Variants in ARHGEF16 observed in about 807,000 individuals in gnomAD.
ARHGEF16 encodes the protein Rho guanine nucleotide exchange factor 16.
ARHGEF16 carries 59 observed loss-of-function variants against 74.1 expected under a neutral mutation model. That is an observed-to-expected ratio of 0.80 (90% CI 0.65 to 0.99). The LOEUF (loss-of-function observed/expected upper bound fraction) is 0.99. Among genes scored for constraint, ARHGEF16 ranks in the 50% least tolerant of loss-of-function variants. The probability of loss-of-function intolerance (pLI) is 0.00; values close to 1 mark genes in which losing one functional copy is unlikely to be tolerated. For missense variants in ARHGEF16, 948 were observed against 986.6 expected, an observed-to-expected ratio of 0.96 and a Z score of 0.52; for synonymous variants, 415 against 412.6, an observed-to-expected ratio of 1.01 and a Z score of -0.07.
At chr1:3,462,710 A>G (rs1434082066) in intron 1 of ARHGEF16, among the ~76,000 whole-genome samples, 1 of 152,204 alleles carries the variant, frequency 6.6e-6, no homozygotes, top group Non-Finnish European at 1.5e-5. Flanking sequence ...AGGCTCAGGA[A>G]TGTGTCCTCA....
chr1:3,471,561 A>G, intron 6 of ARHGEF16: 1 of 955,850 alleles, frequency 1.0e-6, no homozygotes, highest in Non-Finnish European at 1.3e-6. Context: ...GGGGTCTGGG[A>G]TAGCGGCTGC....
intron 6 of ARHGEF16, among the ~76,000 whole-genome samples, chr1:3,472,499 C>G (rs912469010): frequency 1.3e-5 from 2 of 152,226 alleles, no homozygotes; most frequent in Non-Finnish European, 2.9e-5. Context: ...TGAAAGTAAA[C>G]AGTTCATGAA....
intron 6 of ARHGEF16, among the ~76,000 whole-genome samples, chr1:3,470,172 T>C (rs952296125): frequency 2.0e-5 from 3 of 149,262 alleles, no homozygotes; most frequent in East Asian, 2.0e-4. Context: ...TGGTCAGTGG[T>C]GTGTGTGAGT....
At chr1:3,455,480 G>A (rs1457447257) in intron 1 of ARHGEF16, among the ~76,000 whole-genome samples, 2 of 152,096 alleles carry the variant, frequency 1.3e-5, no homozygotes, top group Non-Finnish European at 2.9e-5. Context: ...CGCTTGTCTT[G>A]GCCGCTCAGC....
chr1:3,467,526 T>A (rs1639582299), intron 4 of ARHGEF16, among the ~76,000 whole-genome samples, 189 bp downstream of exon 4: 1 of 152,122 alleles, frequency 6.6e-6, no homozygotes. Flanking sequence ...TCCTGTGCCC[T>A]CAGAGTCACC....
rs571133376 is a variant in ARHGEF16 at position 3,463,193 on chromosome 1, A to G, written c.109A>G (p.Met37Val). The change falls in exon 2 of 15, where the codon ATG (methionine) becomes GTG (valine). Residue 37 changes from methionine to valine, a missense_variant. Physicochemically the swap from Met to Val is conservative, Grantham distance 21 (BLOSUM62 1). Transcript: ENST00000378378. The part of the protein sequence containing the change: ...AGGNPASGLP[M>V]VRGSPRVRDD... Reference sequence around the variant, plus strand: ...GGGGAACCCAGCCTCCGGGCTCCCAATGGTCCGTGGCTCCCCGCGTGTTAG... The same window carrying G: ...GGGGAACCCAGCCTCCGGGCTCCCAGTGGTCCGTGGCTCCCCGCGTGTTAG... 340 of 1,535,526 alleles carry G rather than the reference A, an allele frequency of 2.2e-4. 1 individual carries two copies. In the East Asian group the frequency reaches 5.4e-3, roughly 24 times the overall value.
At chr1:3,464,552 C>T (rs968922447) in intron 2 of ARHGEF16, among the ~76,000 whole-genome samples, 4 of 152,178 alleles carry the variant, frequency 2.6e-5, no homozygotes, top group Admixed American at 6.5e-5. Context: ...GCCCGAGCAC[C>T]CTCAAGAATG....
At chr1:3,456,351 G>T (rs990479625) in intron 1 of ARHGEF16, among the ~76,000 whole-genome samples, 7 of 152,232 alleles carry the variant, frequency 4.6e-5, no homozygotes, top group Non-Finnish European at 7.3e-5. Flanking sequence ...TCCAGGCGCA[G>T]GCGCTCCCCG....
chr1:3,468,943 G>A lies in ARHGEF16; in HGVS notation c.861+7G>A, dbSNP rs1172201761. ...GGAGCGGAAAAGGCAGGAGGTAAAA[G>A]GGCCCTGGGCGGGAGGGCTGTCCCC... is the stretch of plus-strand genomic sequence containing the variant. On this transcript the variant is annotated splice_region_variant and intron_variant, in intron 5 of 14. Coordinates refer to ENST00000378378, the MANE Select transcript of ARHGEF16 (RefSeq NM_014448.4). 2 of 1,549,784 alleles carry A rather than the reference G, an allele frequency of 1.3e-6. No individual in the cohort carries two copies. The highest frequency in any genetic ancestry group is 1.7e-6 in the Non-Finnish European group (2 of 1,146,806).
At chr1:3,464,397 T>C (rs1383725160) in intron 2 of ARHGEF16, among the ~76,000 whole-genome samples, 1 of 151,712 alleles carries the variant, frequency 6.6e-6, no homozygotes, top group East Asian at 1.9e-4. Flanking sequence ...TCAGGGAGAG[T>C]TGCGTGGTAC....
intron 2 of ARHGEF16, 76 bp downstream of exon 2, chr1:3,463,748 C>T: frequency 8.3e-7 from 1 of 1,211,162 alleles, no homozygotes; most frequent in Non-Finnish European, 1.1e-6. Context: ...CCACCACCGT[C>T]ATCTTCTGCA....
At chr1:3,476,954 G>A (rs539419959) in intron 10 of ARHGEF16, among the ~76,000 whole-genome samples, 58 of 152,184 alleles carry the variant, frequency 3.8e-4, no homozygotes, top group African/African-American at 1.2e-3. Flanking sequence ...TCTCGAGTCT[G>A]GGGTGTAACG....
At chr1:3,478,196 C>A in intron 11 of ARHGEF16, 170 bp downstream of exon 11, 1 of 1,024,936 alleles carries the variant, frequency 9.8e-7, no homozygotes, top group Non-Finnish European at 1.4e-6. Context: ...AGGTGGCGCT[C>A]GCTGTGCAGC....
chr1:3,456,264 C>T lies in ARHGEF16; in HGVS notation c.-20+1453C>T, dbSNP rs141212452. ...ACAGAGGTGAAGCAGTGAGAAGCGGCGTGCCAGGGTCCCCACAGCTCACAT... is the reference window on the plus strand; with the variant it reads ...ACAGAGGTGAAGCAGTGAGAAGCGGTGTGCCAGGGTCCCCACAGCTCACAT... On this transcript the variant is annotated intron_variant, in intron 1 of 14. Coordinates refer to ENST00000378378, the MANE Select transcript of ARHGEF16 (RefSeq NM_014448.4). Among the ~76,000 whole-genome samples, 6 of 152,358 alleles carry T rather than the reference C, an allele frequency of 3.9e-5. No individual in the cohort carries two copies. In the East Asian group the frequency reaches 7.7e-4, roughly 20 times the overall value.
chr1:3,478,414 G>T lies in ARHGEF16; in HGVS notation c.1626-10G>T. The T allele has an allele frequency of 6.3e-7, 1 of 1,584,324 alleles. No homozygotes were observed. ...TGGGACCGTCCCACCGACTGCCCGT[G>T]TCTCCACAGCGAGGAGAGCTACATG... On this transcript the variant is annotated splice_polypyrimidine_tract_variant and intron_variant, in intron 11 of 14. Coordinates refer to ENST00000378378, the MANE Select transcript of ARHGEF16 (RefSeq NM_014448.4).
At chr1:3,467,905 G>T (rs1639592619) in intron 4 of ARHGEF16, among the ~76,000 whole-genome samples, 1 of 152,130 alleles carries the variant, frequency 6.6e-6, no homozygotes, top group Non-Finnish European at 1.5e-5. Context: ...CCGTGGGCGT[G>T]GCGGGCAGCG....
At chr1:3,480,332 C>T (rs1557700617) in intron 14 of ARHGEF16, 116 bp from the exon 15 acceptor site, 13 of 1,419,898 alleles carry the variant, frequency 9.2e-6, no homozygotes, top group Non-Finnish European at 1.2e-5. Flanking sequence ...TGAGCAGGAG[C>T]AGGTGGTCAG....
Position 3,479,852 on chromosome 1 carries a change from G to T in ARHGEF16, c.1929G>T (p.Lys643Asn). 1 of 1,612,326 alleles carries T rather than the reference G, an allele frequency of 6.2e-7. No individual in the cohort carries two copies. The stretch of plus-strand genomic sequence containing the variant: ...AGATCACCAAGGCCTTCTTCGCGAA[G>T]CAAGCAGACGAGGTCACACTGCAGC... Reference protein sequence around the residue: ...QVEITKAFFAKQADEVTLQQA... With the variant: ...QVEITKAFFANQADEVTLQQA... Residue 643 changes from lysine (K) to asparagine (N), a missense_variant, in exon 14 of 15, where the codon AAG (lysine) becomes AAT (asparagine). Lys to Asn is a moderately conservative substitution (Grantham distance 94). Transcript: ENST00000378378.
chr1:3,478,306 C>G, intron 11 of ARHGEF16, 118 bp from the exon 12 acceptor site: 2 of 1,173,188 alleles, frequency 1.7e-6, no homozygotes, highest in South Asian at 3.0e-5. Context: ...CTCTTGGAGC[C>G]CGTCCGTGGC....
Sources: gnomAD v4.1 joint callset for allele counts (sites outside exome capture counted in the v4.1 genomes callset) on GRCh38, gnomAD v4.1.1 for gene constraint, MANE v1.5 for transcripts, NCBI Gene and HGNC (gene_info 2026-07-23, HGNC 2026-07-21) for gene names.